The following SGCG variants were observed in gnomAD, a reference collection of about 807,000 sequenced individuals.
SGCG encodes gamma-sarcoglycan.
A neutral mutation model predicts 29.3 loss-of-function variants in SGCG; 26 were observed. That is an observed-to-expected ratio of 0.89 (90% CI 0.65 to 1.23). The LOEUF (loss-of-function observed/expected upper bound fraction) is 1.23, where lower values mean the gene tolerates loss of function less well. Among genes scored for constraint, SGCG ranks in the 50% most tolerant of loss-of-function variants. The pLI is 0.00. For synonymous variants in SGCG, 145 were observed against 129.7 expected, an observed-to-expected ratio of 1.12 and a Z score of -0.80; for missense variants, 353 against 356.0, an observed-to-expected ratio of 0.99 and a Z score of 0.07.
chr13:23,261,766 A>G (rs958036266), intron 4 of SGCG, among the ~76,000 whole-genome samples: 1 of 152,086 alleles, frequency 6.6e-6, no homozygotes, highest in South Asian at 2.1e-4. Flanking sequence ...CAAAAGGATC[A>G]GGTAACCTAT....
At position 23,279,362 on chromosome 13, in the gene SGCG, C is replaced by T; in HGVS notation, c.389C>T (p.Pro130Leu). 1 of 1,612,458 alleles carries T rather than the reference C, an allele frequency of 6.2e-7. No homozygotes were observed. The highest frequency in any genetic ancestry group is 8.5e-7 in the Non-Finnish European group (1 of 1,179,068). The change falls in exon 5 of 8, where the codon CCC becomes CTC. Residue 130 changes from proline to leucine, a missense_variant. Transcript: ENST00000218867. ...ATAAACTGTTTTAATTCTTCAGGTC[C>T]CAAAATGGTAGAAGTCCAGAATCAA... is the stretch of plus-strand genomic sequence containing the variant. ...GEVTGRLKVG[P>L]KMVEVQNQQF...
intron 2 of SGCG, among the ~76,000 whole-genome samples, chr13:23,216,037 T>C (rs1410971251): frequency 1.3e-5 from 2 of 152,110 alleles, no homozygotes; most frequent in Non-Finnish European, 2.9e-5. Flanking sequence ...ATGAAACATA[T>C]TAGAATCTTG....
At chr13:23,249,607 AC>A (rs1879880985) in intron 3 of SGCG, among the ~76,000 whole-genome samples, 1 of 152,208 alleles carries the variant, frequency 6.6e-6, no homozygotes, top group African/African-American at 2.4e-5. Flanking sequence ...AGAAGGAAAA[AC>A]GTACATGGTA....
chr13:23,179,997 G>C (rs1460041601), upstream of SGCG, among the ~76,000 whole-genome samples: 1 of 151,996 alleles, frequency 6.6e-6, no homozygotes, highest in Non-Finnish European at 1.5e-5. Context: ...CCCAGTACCC[G>C]ATAGACAGTT....
At position 23,261,738 on chromosome 13, in the gene SGCG, A is replaced by G. The variant is rs148615761; in HGVS notation, c.385+11021A>G. Among the ~76,000 whole-genome samples the G allele has an allele frequency of 5.9e-5, 9 of 152,076 alleles. No individual in the cohort carries two copies. The East Asian group carries it at 1.5e-3, about 26-fold the overall frequency. ...ATCTGAAGTCAATGTGAAGGAAAACATTCTAAGTGCAGTGAGACAAAAGGA... is the reference window on the plus strand; with the variant it reads ...ATCTGAAGTCAATGTGAAGGAAAACGTTCTAAGTGCAGTGAGACAAAAGGA... On this transcript the variant is annotated intron_variant, in intron 4 of 7. Coordinates refer to ENST00000218867, the MANE Select transcript of SGCG (RefSeq NM_000231.3).
intron 4 of SGCG, among the ~76,000 whole-genome samples, chr13:23,263,726 A>G (rs1015524862): frequency 2.6e-5 from 4 of 152,104 alleles, no homozygotes; most frequent in African/African-American, 9.7e-5. Flanking sequence ...CTCCAAGAAA[A>G]TCATTCACCA....
intron 2 of SGCG, among the ~76,000 whole-genome samples, chr13:23,212,681 G>T (rs74532635): frequency 6.6e-6 from 1 of 152,194 alleles, no homozygotes; most frequent in Non-Finnish European, 1.5e-5. Context: ...GGCATGATAT[G>T]AGGGAGTGAG....
chr13:23,253,596 C>CA (rs1327263049), intron 4 of SGCG, among the ~76,000 whole-genome samples: 2 of 152,174 alleles, frequency 1.3e-5, no homozygotes, highest in Admixed American at 1.3e-4. Flanking sequence ...GTGTTTTCTA[C>CA]AAAACCACTG....
chr13:23,285,744 A>G lies in SGCG; in HGVS notation c.505+6266A>G, dbSNP rs190457493. ...AATCCAGGGCCCTGGTGGTGTAGGC[A>G]CCTGAGGGAATCTCCTGGTCTGCAG... On this transcript the variant is annotated intron_variant, in intron 5 of 7. Transcript: ENST00000218867. 2.3e-3 allele frequency among the ~76,000 whole-genome samples: 350 copies of G among 151,946 alleles called. 3 individuals carry two copies. Among genetic ancestry groups the G allele is most frequent in the African/African-American group, 8.1e-3 (335 of 41,482 alleles).
At chr13:23,294,334 A>G (rs151085269) in intron 5 of SGCG, among the ~76,000 whole-genome samples, 1 of 152,368 alleles carries the variant, frequency 6.6e-6, no homozygotes. Context: ...AGATTTAAAT[A>G]TAATGTGAAA....
intron 4 of SGCG, among the ~76,000 whole-genome samples, chr13:23,270,348 A>C (rs1368802725): frequency 6.6e-6 from 1 of 152,176 alleles, no homozygotes; most frequent in Admixed American, 6.5e-5. Flanking sequence ...CAGACAACAC[A>C]ATGTGTCTAA....
At chr13:23,180,052 C>T (rs1565988600), upstream of SGCG, among the ~76,000 whole-genome samples, 1 of 152,046 alleles carries the variant, frequency 6.6e-6, no homozygotes, top group Non-Finnish European at 1.5e-5. Flanking sequence ...CAAGCAGGCC[C>T]CAGTATCTGA....
chr13:23,178,220 T>A (rs182365134), upstream of SGCG, among the ~76,000 whole-genome samples: 109 of 152,124 alleles, frequency 7.2e-4, no homozygotes, highest in African/African-American at 2.3e-3. Context: ...GCTATAGCAA[T>A]AGGTGATGCC....
rs1236275021 is a variant in SGCG at position 23,261,618 on chromosome 13, G to T, written c.385+10901G>T. Among the ~76,000 whole-genome samples, 3 of 152,160 alleles carry T rather than the reference G, an allele frequency of 2.0e-5. No homozygotes were observed. In the East Asian group the frequency reaches 5.8e-4, roughly 29 times the overall value. ...AATTTAGGAAAACTTTCCTGGCTTT[G>T]TTAGAGATTTAGACATCCAAGTACA... On this transcript the variant is annotated intron_variant, in intron 4 of 7. Transcript: ENST00000218867.
intron 2 of SGCG, among the ~76,000 whole-genome samples, chr13:23,224,600 G>A (rs944274336): frequency 1.3e-5 from 2 of 151,534 alleles, no homozygotes; most frequent in African/African-American, 4.9e-5. Context: ...TACACTACAT[G>A]GGCAAATGCA....
chr13:23,236,885 T>C (rs1302153576), intron 3 of SGCG, among the ~76,000 whole-genome samples: 1 of 152,170 alleles, frequency 6.6e-6, no homozygotes, highest in African/African-American at 2.4e-5. Context: ...ATAACAGAGC[T>C]GTACAGTGTT....
intron 2 of SGCG, among the ~76,000 whole-genome samples, chr13:23,232,489 G>A (rs796752798): frequency 6.6e-5 from 10 of 152,270 alleles, no homozygotes; most frequent in African/African-American, 1.9e-4. Context: ...ATTTGGGGAA[G>A]AGCGGGAAGA....
intron 2 of SGCG, 141 bp downstream of exon 2, chr13:23,204,030 T>C (rs1593171442): frequency 1.4e-6 from 1 of 697,294 alleles, no homozygotes; most frequent in Non-Finnish European, 2.5e-6. Flanking sequence ...GAGCAAAATA[T>C]GTATGTAGCA....
chr13:23,202,520 C>A, intron 1 of SGCG, among the ~76,000 whole-genome samples: 1 of 152,062 alleles, frequency 6.6e-6, no homozygotes, highest in Non-Finnish European at 1.5e-5. Flanking sequence ...TTGGTTCGAG[C>A]CACTGGCTCT....
Sources: gnomAD v4.1 joint callset for allele counts (sites outside exome capture counted in the v4.1 genomes callset) on GRCh38, gnomAD v4.1.1 for gene constraint, MANE v1.5 for transcripts, NCBI Gene and HGNC (gene_info 2026-07-23, HGNC 2026-07-21) for gene names.